CNGA3: variants seen among roughly 807,000 people sequenced by gnomAD.
CNGA3 encodes cyclic nucleotide-gated channel alpha-3.
Under a neutral mutation model 46.6 loss-of-function variants are expected in CNGA3, and 42 were observed. The ratio of observed to expected loss-of-function variants is 0.90; its 90% CI spans 0.70 to 1.17. The LOEUF is 1.17. Among genes scored for constraint, CNGA3 ranks in the 50% most tolerant of loss-of-function variants. The pLI, the probability that CNGA3 is intolerant of heterozygous loss-of-function variation, is 0.00. For synonymous variants in CNGA3, 394 were observed against 369.4 expected (o/e 1.07, Z -0.76); for missense variants, 893 against 890.7 (o/e 1.00, Z -0.03).
intron 2 of CNGA3, among the ~76,000 whole-genome samples, chr2:98,374,213 A>C (rs1395955440): frequency 6.6e-6 from 1 of 152,232 alleles, no homozygotes; most frequent in Non-Finnish European, 1.5e-5. Flanking sequence ...AGTCACAAGA[A>C]ACCTTCACCT....
At chr2:98,374,706 G>A (rs1386888798) in intron 2 of CNGA3, among the ~76,000 whole-genome samples, 1 of 152,090 alleles carries the variant, frequency 6.6e-6, no homozygotes, top group Non-Finnish European at 1.5e-5. Context: ...AATTAATGAA[G>A]TTTACTATGT....
intron 5 of CNGA3, among the ~76,000 whole-genome samples, chr2:98,389,130 C>T (rs571851544): frequency 3.3e-4 from 50 of 152,280 alleles, no homozygotes; most frequent in Admixed American, 1.5e-3. Context: ...TTACATCGTC[C>T]GCACAAACAC....
At chr2:98,389,867 A>G in intron 6 of CNGA3, 93 bp downstream of exon 6, 2 of 946,250 alleles carry the variant, frequency 2.1e-6, no homozygotes, top group Non-Finnish European at 3.3e-6. Context: ...GGGAGGCCTG[A>G]GGCCTGGACC....
intron 1 of CNGA3, among the ~76,000 whole-genome samples, chr2:98,350,377 G>A (rs999683274): frequency 5.9e-5 from 9 of 152,128 alleles, no homozygotes; most frequent in Admixed American, 5.2e-4. Context: ...AAAGCAATGT[G>A]TTACTTTTAT....
intron 1 of CNGA3, among the ~76,000 whole-genome samples, chr2:98,349,111 G>A (rs575208042): frequency 2.0e-5 from 3 of 152,294 alleles, no homozygotes; most frequent in East Asian, 3.9e-4. Context: ...CTTTGCTTAT[G>A]CAATGTCTGA....
chr2:98,377,658 T>A (rs1267798578), intron 2 of CNGA3, 29 bp from the exon 3 acceptor site: 6 of 1,591,076 alleles, frequency 3.8e-6, no homozygotes, highest in Non-Finnish European at 5.1e-6. Context: ...TTGAAATCAA[T>A]TCTGCTTGCT....
chr2:98,369,653 G>A (rs76757234), intron 1 of CNGA3, among the ~76,000 whole-genome samples: 11,103 of 152,180 alleles, frequency 0.073, 603 homozygotes, highest in African/African-American at 0.15. Flanking sequence ...TACCAACTTG[G>A]CCCTTCATTT....
At chr2:98,365,595 T>G (rs1200269052) in intron 1 of CNGA3, among the ~76,000 whole-genome samples, 4 of 147,266 alleles carry the variant, frequency 2.7e-5, no homozygotes, top group Non-Finnish European at 6.2e-5. Flanking sequence ...TCAGAGGTTT[T>G]GTTCATTCTT....
At chr2:98,347,954 G>C (rs912441433) in intron 1 of CNGA3, among the ~76,000 whole-genome samples, 1 of 152,216 alleles carries the variant, frequency 6.6e-6, no homozygotes, top group Non-Finnish European at 1.5e-5. Context: ...GAATTCATGG[G>C]GGACGCGGGT....
At chr2:98,395,246 T>C (rs1341005766) in intron 7 of CNGA3, among the ~76,000 whole-genome samples, 2 of 152,108 alleles carry the variant, frequency 1.3e-5, no homozygotes, top group African/African-American at 4.8e-5. Context: ...CTTGGCTCAT[T>C]GCACCCTCCA....
At chr2:98,364,223 C>CA (rs1156860486) in intron 1 of CNGA3, among the ~76,000 whole-genome samples, 1 of 151,916 alleles carries the variant, frequency 6.6e-6, no homozygotes, top group Admixed American at 6.6e-5. Flanking sequence ...ACTAAAAATA[C>CA]AAAAATTAGC....
intron 3 of CNGA3, chr2:98,378,333 G>A: frequency 9.1e-7 from 1 of 1,100,486 alleles, no homozygotes; most frequent in Non-Finnish European, 1.3e-6. Context: ...TCCTGAGGAA[G>A]TCATTTCACC....
intron 5 of CNGA3, among the ~76,000 whole-genome samples, chr2:98,383,888 T>C (rs957658783): frequency 5.3e-5 from 8 of 151,962 alleles, no homozygotes; most frequent in Non-Finnish European, 2.9e-5. Context: ...GTTATTGTTG[T>C]TTGTTTGTTT....
chr2:98,380,487 A>G, intron 4 of CNGA3, 133 bp downstream of exon 4: 1 of 1,182,726 alleles, frequency 8.5e-7, no homozygotes, highest in Non-Finnish European at 1.2e-6. Context: ...TTCCTTGAAG[A>G]AAGTGTTTGC....
intron 1 of CNGA3, among the ~76,000 whole-genome samples, chr2:98,355,096 G>T (rs1436329936): frequency 1.3e-5 from 2 of 152,166 alleles, no homozygotes; most frequent in Non-Finnish European, 2.9e-5. Flanking sequence ...TATTCTATTA[G>T]GAGGGAGTAT....
At chr2:98,394,101 C>T (rs1692856015) in intron 7 of CNGA3, among the ~76,000 whole-genome samples, 1 of 151,986 alleles carries the variant, frequency 6.6e-6, no homozygotes, top group African/African-American at 2.4e-5. Flanking sequence ...GGGTTGCAGG[C>T]TGGCACTCTG....
intron 2 of CNGA3, among the ~76,000 whole-genome samples, chr2:98,371,395 T>C (rs1401812735): frequency 1.3e-5 from 2 of 152,172 alleles, no homozygotes; most frequent in African/African-American, 2.4e-5. Context: ...CTGTCTACAC[T>C]CTTGGTCCCA....
intron 1 of CNGA3, among the ~76,000 whole-genome samples, chr2:98,367,894 C>A (rs1280683413): frequency 6.6e-6 from 1 of 152,212 alleles, no homozygotes; most frequent in Non-Finnish European, 1.5e-5. Flanking sequence ...CCAGAGTGGC[C>A]TGTACACACC....
intron 3 of CNGA3, chr2:98,378,353 C>A: frequency 1.0e-6 from 1 of 985,732 alleles, no homozygotes; most frequent in Non-Finnish European, 1.4e-6. Flanking sequence ...CTTTTCAAAT[C>A]TCATCTAGAA....
Sources: gnomAD v4.1 joint callset for allele counts (sites outside exome capture counted in the v4.1 genomes callset) on GRCh38, gnomAD v4.1.1 for gene constraint, MANE v1.5 for transcripts, NCBI Gene and HGNC (gene_info 2026-07-23, HGNC 2026-07-21) for gene names.